The following N4BP2 variants were observed in gnomAD, a reference collection of about 807,000 sequenced individuals.
N4BP2 encodes NEDD4-binding protein 2.
In N4BP2, 91 loss-of-function variants were observed where a neutral mutation model predicts 152.8. The ratio of observed to expected loss-of-function variants is 0.60; its 90% CI spans 0.50 to 0.71. The LOEUF (loss-of-function observed/expected upper bound fraction) is 0.71, where lower values mean the gene tolerates loss of function less well. Ranked by LOEUF, N4BP2 falls within the 30% of genes least tolerant of loss-of-function variation. The pLI is 0.00. For synonymous variants in N4BP2, 646 were observed against 705.3 expected (o/e 0.92, Z 1.33); for missense variants, 1,923 against 2,059.1 (o/e 0.93, Z 1.28).
rs143984503 is a variant in N4BP2 at position 40,154,033 on chromosome 4, C to T, written c.5268-159C>T. Reference sequence around the variant, plus strand: ...GTTTTGACCGTAGATAAAAGGAACACAAACCTAGATGTTGGTCTTGGATAT... The same window carrying T: ...GTTTTGACCGTAGATAAAAGGAACATAAACCTAGATGTTGGTCTTGGATAT... On this transcript the variant is annotated intron_variant, in intron 17 of 17. Coordinates refer to ENST00000261435, the MANE Select transcript of N4BP2 (RefSeq NM_018177.6). 2.4e-3 allele frequency among the ~76,000 whole-genome samples: 360 copies of T among 152,256 alleles called. 1 individual carries two copies. Among genetic ancestry groups the T allele is most frequent in the African/African-American group, 8.2e-3 (341 of 41,570 alleles).
At position 40,120,081 on chromosome 4, in the gene N4BP2, ATTT is replaced by A; in HGVS notation, c.1971_1973del (p.Asp657_Leu658delinsGlu). ...AATGTTGCATATCTCTCTAATGCAG[ATTT>A]AAACAAAAGAAGAAAAGAAATAAGT... On this transcript the variant is annotated inframe_deletion, in exon 9 of 18. Transcript: ENST00000261435. 1 of 1,612,216 alleles carries A rather than the reference ATTT, an allele frequency of 6.2e-7. No homozygotes were observed. The highest frequency in any genetic ancestry group is 8.5e-7 in the Non-Finnish European group (1 of 1,179,214).
chr4:40,110,487 G>C lies in N4BP2; in HGVS notation c.1499-1597G>C, dbSNP rs1579049785. 2.0e-5 allele frequency among the ~76,000 whole-genome samples: 3 copies of C among 152,276 alleles called. No homozygotes were observed. In the South Asian group the frequency reaches 6.2e-4, roughly 32 times the overall value. ...CTGTGGTTTCAATTTGCTTTTCTCT[G>C]ATGGCTAATGATGTGGAACATCTTT... On this transcript the variant is annotated intron_variant, in intron 5 of 17. Coordinates refer to ENST00000261435, the MANE Select transcript of N4BP2 (RefSeq NM_018177.6).
At chr4:40,118,143 G>A (rs1717526763) in intron 8 of N4BP2, 119 bp downstream of exon 8, 1 of 847,942 alleles carries the variant, frequency 1.2e-6, no homozygotes. Flanking sequence ...ACTTGGCTGG[G>A]TGTGGTGGCT....
rs768829950 is a variant in N4BP2, at chr4:40,131,638, G to A, written c.4528-163G>A. 4.1e-4 allele frequency among the ~76,000 whole-genome samples: 63 copies of A among 152,112 alleles called. 1 individual carries two copies. The highest frequency in any genetic ancestry group is 3.5e-3 in the Admixed American group (53 of 15,258). Reference sequence around the variant, plus strand: ...AAAAAATGAGATATAAATAAATAGTGCAAGAGTACTCGTATTACTAATTTC... The same window carrying A: ...AAAAAATGAGATATAAATAAATAGTACAAGAGTACTCGTATTACTAATTTC... On this transcript the variant is annotated intron_variant, in intron 12 of 17. Transcript: ENST00000261435.
the N4BP2 span, among the ~76,000 whole-genome samples, chr4:40,164,073 G>A: frequency 2.0e-5 from 3 of 152,168 alleles, no homozygotes; most frequent in Non-Finnish European, 4.4e-5. Flanking sequence ...GTATGGGAAG[G>A]GTTCAGTGTG....
At chr4:40,112,483 A>AT (rs1716980168) in intron 6 of N4BP2, among the ~76,000 whole-genome samples, 1 of 151,950 alleles carries the variant, frequency 6.6e-6, no homozygotes, top group African/African-American at 2.4e-5. Context: ...TGTTATATAT[A>AT]TTTATTTCCT....
At chr4:40,077,897 C>A (rs1712920972) in intron 2 of N4BP2, 1 of 152,040 alleles carries the variant, frequency 6.6e-6, no homozygotes, top group Admixed American at 6.6e-5. Flanking sequence ...CAGCACATTT[C>A]CTAAAATTGG....
chr4:40,064,961 G>A (rs1387389803), intron 1 of N4BP2, among the ~76,000 whole-genome samples: 1 of 151,992 alleles, frequency 6.6e-6, no homozygotes, highest in Non-Finnish European at 1.5e-5. Flanking sequence ...GTAGAGATGG[G>A]GTTTTACCAT....
the N4BP2 span, among the ~76,000 whole-genome samples, chr4:40,168,548 TTATAAA>T: frequency 1.1e-4 from 17 of 151,184 alleles, no homozygotes; most frequent in South Asian, 6.3e-4. Flanking sequence ...CAGAAGATTG[TTATAAA>T]TATAAGGATA....
At chr4:40,161,288 C>G (rs1721853345), downstream of N4BP2, among the ~76,000 whole-genome samples, 1 of 152,198 alleles carries the variant, frequency 6.6e-6, no homozygotes, top group East Asian at 1.9e-4. Context: ...ATCCAACAAC[C>G]AATTTACAGG....
At chr4:40,086,585 G>A (rs1214970117) in intron 2 of N4BP2, among the ~76,000 whole-genome samples, 6 of 151,716 alleles carry the variant, frequency 4.0e-5, no homozygotes, top group African/African-American at 9.7e-5. Flanking sequence ...TAATCCACCC[G>A]CCTTGGCCTC....
intron 5 of N4BP2, 96 bp downstream of exon 5, chr4:40,107,120 G>C: frequency 7.4e-7 from 1 of 1,347,578 alleles, no homozygotes; most frequent in Non-Finnish European, 1.0e-6. Context: ...TGTTTTTTGA[G>C]ACAGGGTCTC....
At chr4:40,151,418 C>T (rs531038407) in intron 16 of N4BP2, among the ~76,000 whole-genome samples, 22 of 152,066 alleles carry the variant, frequency 1.4e-4, no homozygotes, top group Admixed American at 1.0e-3. Flanking sequence ...ACTACAGGTG[C>T]GCCTCGCCAT....
At position 40,134,931 on chromosome 4, in the gene N4BP2, T is replaced by TATTTTATTTTATTTTATTTTATTTTA. The variant is rs1553926001; in HGVS notation, c.4647-2013_4647-2012insATTTTATTTTATTTTATTTTATTTTA. Among the ~76,000 whole-genome samples the TATTTTATTTTATTTTATTTTATTTTA allele has an allele frequency of 1.6e-4, 19 of 120,078 alleles. No homozygotes were observed. The South Asian group carries it at 3.4e-3, about 22-fold the overall frequency. The allele number at this position is 120,078 out of a possible 152,430, so 78.8% of individuals were successfully genotyped here. ...TCTCTCTCTCTCTCTCTTTCTTTCTTTTTTATTTTATTTTATTTTATTTTT... is the reference window on the plus strand; with the variant it reads ...TCTCTCTCTCTCTCTCTTTCTTTCTTATTTTATTTTATTTTATTTTATTTTATTTTATTTTATTTTATTTTATTTTT... On this transcript the variant is annotated intron_variant, in intron 13 of 17. Transcript: ENST00000261435.
At chr4:40,082,158 C>T (rs191557220) in intron 2 of N4BP2, among the ~76,000 whole-genome samples, 2 of 151,596 alleles carry the variant, frequency 1.3e-5, no homozygotes, top group East Asian at 3.9e-4. Context: ...CGCCTGTAGT[C>T]CCAGCAAACT....
In N4BP2 at chr4:40,121,827, A is replaced by C. The variant is rs1210852763; in HGVS notation, c.3716A>C (p.Gln1239Pro). 4 of 1,614,032 alleles carry C rather than the reference A, an allele frequency of 2.5e-6. No homozygotes were observed. The highest frequency in any genetic ancestry group is 3.4e-6 in the Non-Finnish European group (4 of 1,180,010). Reference protein sequence around the residue: ...KNNNDILPNSQEELLYSSKQS... With the variant: ...KNNNDILPNSPEELLYSSKQS... Reference sequence around the variant, plus strand: ...AATAATGACATACTTCCTAACAGCCAGGAAGAACTTTTATATAGCAGTAAG... The same window carrying C: ...AATAATGACATACTTCCTAACAGCCCGGAAGAACTTTTATATAGCAGTAAG... Residue 1239 changes from glutamine to proline, a missense_variant, in exon 9 of 18, where the codon CAG becomes CCG. By Grantham distance (76) the Gln-to-Pro change is moderately conservative (BLOSUM62 -1). Coordinates refer to ENST00000261435, the MANE Select transcript of N4BP2 (RefSeq NM_018177.6).
rs150663503 is a variant in N4BP2, at chr4:40,153,193, C to T, written c.5267+290C>T. On this transcript the variant is annotated intron_variant, in intron 17 of 17. Transcript: ENST00000261435. ...AAATGTGTTTGTTGCCAATAATCAT[C>T]TGATAAAACTTTCTATCATAAATTT... 5.6e-3 allele frequency among the ~76,000 whole-genome samples: 848 copies of T among 152,244 alleles called. 10 individuals carry two copies. Among genetic ancestry groups the T allele is most frequent in the African/African-American group, 0.02 (820 of 41,556 alleles).
At chr4:40,190,348 G>A in the N4BP2 span, among the ~76,000 whole-genome samples, 1 of 152,196 alleles carries the variant, frequency 6.6e-6, no homozygotes, top group Non-Finnish European at 1.5e-5. Context: ...GGCTTCAGGA[G>A]GCACCTCTGA....
the N4BP2 span, among the ~76,000 whole-genome samples, chr4:40,182,279 A>G: frequency 4.9e-4 from 74 of 152,320 alleles, 1 homozygote; most frequent in South Asian, 7.9e-3. Context: ...CGAACAGGAC[A>G]TGGGTGAAAG....
Sources: gnomAD v4.1 joint callset for allele counts (sites outside exome capture counted in the v4.1 genomes callset) on GRCh38, gnomAD v4.1.1 for gene constraint, MANE v1.5 for transcripts, NCBI Gene and HGNC (gene_info 2026-07-23, HGNC 2026-07-21) for gene names.